TRIO: variants seen among roughly 807,000 people sequenced by gnomAD.
TRIO encodes trio Rho guanine nucleotide exchange factor.
In TRIO, 58 loss-of-function variants were observed where a neutral mutation model predicts 351.9. The ratio of observed to expected loss-of-function variants is 0.16; its 90% CI spans 0.13 to 0.21. TRIO has a LOEUF of 0.21. TRIO is among the 10% of genes least tolerant of loss of function. The probability of loss-of-function intolerance (pLI) is 1.00; values close to 1 mark genes in which losing one functional copy is unlikely to be tolerated. For synonymous variants in TRIO, 1,758 were observed against 1,595.7 expected, an observed-to-expected ratio of 1.10 and a Z score of -2.42; for missense variants, 3,201 against 4,027.8, an observed-to-expected ratio of 0.79 and a Z score of 5.56.
intron 1 of TRIO, among the ~76,000 whole-genome samples, chr5:14,233,745 G>T (rs1793608679): frequency 6.9e-6 from 1 of 145,346 alleles, no homozygotes. Flanking sequence ...TCCCTATGTT[G>T]CCCAGGCTAT....
At chr5:14,432,763 G>A (rs1468130624) in intron 34 of TRIO, among the ~76,000 whole-genome samples, 1 of 152,186 alleles carries the variant, frequency 6.6e-6, no homozygotes, top group Non-Finnish European at 1.5e-5. Flanking sequence ...TTGCATCCAG[G>A]AGTAAAAGAT....
intron 1 of TRIO, among the ~76,000 whole-genome samples, chr5:14,262,213 G>A (rs911927753): frequency 6.6e-6 from 1 of 152,122 alleles, no homozygotes; most frequent in African/African-American, 2.4e-5. Context: ...TATTTCCCCT[G>A]CAGTGCGATA....
chr5:14,195,254 C>G (rs568583397), intron 1 of TRIO, among the ~76,000 whole-genome samples: 166 of 152,276 alleles, frequency 1.1e-3, no homozygotes, highest in African/African-American at 3.6e-3. Context: ...AGGACCTTCA[C>G]AGTTTTGAAG....
At chr5:14,496,803 T>G in intron 49 of TRIO, 76 bp from the exon 50 acceptor site, 3 of 1,567,054 alleles carry the variant, frequency 1.9e-6, no homozygotes, top group African/African-American at 1.4e-5. Flanking sequence ...ATATTCAGCT[T>G]TTCTTTAACG....
In TRIO at chr5:14,420,268, A is replaced by G. The variant is rs534633710; in HGVS notation, c.5203+247A>G. On this transcript the variant is annotated intron_variant, in intron 34 of 56. Coordinates refer to ENST00000344204, the MANE Select transcript of TRIO (RefSeq NM_007118.4). ...CCAGGGCGGTGTAGTGAGATATGAC[A>G]TCAGTTTAGAGAAGAACACTGATTT... 24 of 520,828 alleles carry G rather than the reference A, an allele frequency of 4.6e-5. No homozygotes were observed. The East Asian group carries it at 8.5e-4, about 18-fold the overall frequency. The allele number at this position is 520,828 out of a possible 1,614,324, so 32.3% of individuals were successfully genotyped here.
chr5:14,412,283 C>T (rs1027804914), intron 33 of TRIO, among the ~76,000 whole-genome samples: 1 of 152,206 alleles, frequency 6.6e-6, no homozygotes, highest in Non-Finnish European at 1.5e-5. Context: ...CCACCATGCC[C>T]GGCCACGGTT....
In TRIO at chr5:14,389,300, G is replaced by A; in HGVS notation, c.3960G>A (p.Trp1320Ter). The A allele has an allele frequency of 6.2e-7, 1 of 1,608,952 alleles. No homozygotes were observed. The highest frequency in any genetic ancestry group is 8.5e-7 in the Non-Finnish European group (1 of 1,178,452). ...DLRECMDTYL[W>*]EMTSGVEEIP... Reference sequence around the variant, plus strand: ...TCCCTCTCGGCTAGACGTACCTGTGGGAAATGACCAGTGGCGTGGAAGAGA... The same window carrying A: ...TCCCTCTCGGCTAGACGTACCTGTGAGAAATGACCAGTGGCGTGGAAGAGA... The change falls in exon 25 of 57, where the codon TGG (tryptophan) becomes TGA (stop). Residue 1320 changes from tryptophan to a stop codon, truncating the protein, a stop_gained. Transcript: ENST00000344204. LOFTEE classifies it high-confidence loss of function.
intron 34 of TRIO, among the ~76,000 whole-genome samples, chr5:14,438,779 A>G (rs1751795401): frequency 1.3e-5 from 2 of 152,098 alleles, no homozygotes; most frequent in South Asian, 2.1e-4. Context: ...TCACCTCCGC[A>G]TTTCCGCTGG....
intron 1 of TRIO, among the ~76,000 whole-genome samples, chr5:14,257,756 A>G (rs1292338309): frequency 6.6e-6 from 1 of 152,194 alleles, no homozygotes; most frequent in Non-Finnish European, 1.5e-5. Flanking sequence ...GTGGCTTTTT[A>G]ACAATAATTA....
chr5:14,369,657 C>T (rs940370881), intron 18 of TRIO, 134 bp downstream of exon 18: 49 of 1,141,828 alleles, frequency 4.3e-5, no homozygotes, highest in Middle Eastern at 3.1e-4. Flanking sequence ...GGGGCAGTGT[C>T]GCATCAGTGA....
chr5:14,301,761 C>T (rs1737915331), intron 7 of TRIO, among the ~76,000 whole-genome samples: 1 of 152,174 alleles, frequency 6.6e-6, no homozygotes, highest in Non-Finnish European at 1.5e-5. Flanking sequence ...TTCCCTGTTC[C>T]ATGCATCTCG....
intron 28 of TRIO, among the ~76,000 whole-genome samples, chr5:14,395,997 G>T (rs965783531): frequency 1.3e-4 from 18 of 134,594 alleles, no homozygotes; most frequent in African/African-American, 5.3e-4. Flanking sequence ...AGTGAGCCGA[G>T]ATCACGCCAT....
chr5:14,422,209 T>TCAGG (rs1750227605), intron 34 of TRIO, among the ~76,000 whole-genome samples: 1 of 152,234 alleles, frequency 6.6e-6, no homozygotes, highest in African/African-American at 2.4e-5. Flanking sequence ...TATCAGATGT[T>TCAGG]CAGGCTGCCT....
rs138763595 is a variant in TRIO, at chr5:14,284,172, G to T, written c.348-2699G>T. 3.9e-5 allele frequency among the ~76,000 whole-genome samples: 6 copies of T among 152,260 alleles called. No individual in the cohort carries two copies. In the East Asian group the frequency reaches 1.2e-3, roughly 29 times the overall value. On this transcript the variant is annotated intron_variant, in intron 3 of 56. Coordinates refer to ENST00000344204, the MANE Select transcript of TRIO (RefSeq NM_007118.4). ...GAGTTTCTCTTTTTTAGGGACCTGT[G>T]TTGAAAGGGGACCTTATTTTTATGT...
chr5:14,219,296 C>T (rs1205249728), intron 1 of TRIO, among the ~76,000 whole-genome samples: 7 of 152,094 alleles, frequency 4.6e-5, no homozygotes, highest in Non-Finnish European at 7.4e-5. Flanking sequence ...CCTTACCCCC[C>T]GCCCACAGTG....
intron 34 of TRIO, among the ~76,000 whole-genome samples, chr5:14,426,689 C>T (rs376848794): frequency 4.5e-4 from 69 of 152,228 alleles, no homozygotes; most frequent in Non-Finnish European, 9.1e-4. Context: ...CGCAGATGGC[C>T]GGCACTGAGA....
At chr5:14,488,429 T>C in intron 48 of TRIO, 169 bp downstream of exon 48, 1 of 930,440 alleles carries the variant, frequency 1.1e-6, no homozygotes, top group East Asian at 2.7e-5. Context: ...CCCACGGCGC[T>C]ACTAACTACT....
intron 1 of TRIO, among the ~76,000 whole-genome samples, chr5:14,205,350 C>T (rs540177846): frequency 2.2e-4 from 34 of 152,282 alleles, no homozygotes; most frequent in African/African-American, 7.0e-4. Flanking sequence ...TAATTGTCCC[C>T]GTAATGTAGC....
At chr5:14,182,164 G>A (rs1789819675) in intron 1 of TRIO, among the ~76,000 whole-genome samples, 1 of 151,468 alleles carries the variant, frequency 6.6e-6, no homozygotes, top group South Asian at 2.1e-4. Flanking sequence ...CTGAAGATTT[G>A]ATAAACGAGA....
Sources: allele counts gnomAD v4.1 joint callset (sites outside exome capture counted in the v4.1 genomes callset), GRCh38; gene constraint gnomAD v4.1.1; transcripts MANE v1.5; gene names NCBI Gene and HGNC (gene_info 2026-07-23, HGNC 2026-07-21).